The following NBPF19 variants were observed in gnomAD, a reference collection of about 807,000 sequenced individuals.
NBPF19 encodes NBPF family member NBPF19.
In NBPF19, 30 loss-of-function variants were observed where a neutral mutation model predicts 45.9. That is an observed-to-expected ratio of 0.65 (90% CI 0.49 to 0.89). The LOEUF (loss-of-function observed/expected upper bound fraction) is 0.89. NBPF19 is among the 40% of genes least tolerant of loss of function. NBPF19 has a pLI of 0.00. For synonymous variants in NBPF19, 183 were observed against 181.2 expected (o/e 1.01, Z -0.08); for missense variants, 495 against 471.8 (o/e 1.05, Z -0.46).
At chr1:149,538,435 CT>C (rs2087041968) in intron 73 of NBPF19, among the ~76,000 whole-genome samples, 2 of 30,976 alleles carry the variant, frequency 6.5e-5, no homozygotes, top group African/African-American at 1.8e-4. Flanking sequence ...CTCTCTCTCT[CT>C]GTGTGTGTGT....
chr1:149,478,808 T>A (rs2085000353), intron 3 of NBPF19, 72 bp from the exon 4 acceptor site: 4 of 1,364,784 alleles, frequency 2.9e-6, no homozygotes, highest in Non-Finnish European at 3.1e-6. Flanking sequence ...GTCTCAGAAG[T>A]CTCTGTTGCA....
At chr1:149,479,706 C>A (rs2085058369) in intron 4 of NBPF19, among the ~76,000 whole-genome samples, 1 of 149,796 alleles carries the variant, frequency 6.7e-6, no homozygotes, top group African/African-American at 2.5e-5. Context: ...CAGCAGAAGC[C>A]ACATGGAGGG....
At chr1:149,476,807 C>A (rs1322470776) in intron 2 of NBPF19, among the ~76,000 whole-genome samples, 79 of 147,158 alleles carry the variant, frequency 5.4e-4, no homozygotes, top group African/African-American at 1.7e-3. Context: ...TCGTGGCGGG[C>A]AACTGTAATC....
At chr1:149,487,976 C>T (rs1394655643) in intron 9 of NBPF19, 37 bp from the exon 10 acceptor site, 12 of 693,542 alleles carry the variant, frequency 1.7e-5, no homozygotes, top group Middle Eastern at 3.8e-4. Context: ...TTTCTGATTC[C>T]CCCTGGCTTA....
Position 149,554,695 on chromosome 1 carries a change from G to C in NBPF19, c.11489G>C (p.Ser3830Thr). 1 of 1,608,298 alleles carries C rather than the reference G, an allele frequency of 6.2e-7. No homozygotes were observed. The highest frequency in any genetic ancestry group is 1.7e-5 in the Admixed American group (1 of 59,916). The change falls in exon 94 of 94, where the codon AGT (serine) becomes ACT (threonine). Residue 3830 changes from serine to threonine, a missense_variant. Around this residue, in one of 8 missense-constraint regions of NBPF19, gnomAD observed 248 missense variants for 95.4 expected, o/e 2.60. Coordinates refer to ENST00000651566, the MANE Select transcript of NBPF19 (RefSeq NM_001351365.2). ...AGGTTTTTTACTTTGACGGTGACAA[G>C]TCTCCATCTGGTGTTCCAGATGTTA... The part of the protein sequence containing the change: ...DNRFFTLTVT[S>T]LHLVFQMLVI...
At chr1:149,519,431 TTCTCTC>T (rs1209458388) in intron 49 of NBPF19, among the ~76,000 whole-genome samples, 10 of 10,560 alleles carry the variant, frequency 9.5e-4, no homozygotes, top group Admixed American at 2.8e-3. Context: ...ACTGAGCTCG[TTCTCTC>T]TCTCTCTCTG....
In NBPF19 at chr1:149,554,648, C is replaced by T. The variant is rs1356394756; in HGVS notation, c.11442C>T (p.Ser3814=). Reference sequence around the variant, plus strand: ...ACTCATTTGAGGAAGAGCATATCAGCTTCGCCCTTTACTTGGACAATAGGT... The same window carrying T: ...ACTCATTTGAGGAAGAGCATATCAGTTTCGCCCTTTACTTGGACAATAGGT... The part of the protein sequence containing the change: ...VFYSFEEEHI[S]FALYLDNRFF... Residue 3814 remains serine, a synonymous_variant, in exon 94 of 94, where the codon AGC becomes AGT. Transcript: ENST00000651566. 5.0e-5 allele frequency: 80 copies of T among 1,608,234 alleles called. 4 individuals are homozygous for T. Among genetic ancestry groups the T allele is most frequent in the Non-Finnish European group, 6.3e-5 (74 of 1,176,780 alleles).
Position 149,475,481 on chromosome 1 carries a change from C to T in NBPF19, c.-350C>T, listed in dbSNP as rs1490774920. Among the ~76,000 whole-genome samples, 5 of 150,996 alleles carry T rather than the reference C, an allele frequency of 3.3e-5. No individual in the cohort carries two copies. Among genetic ancestry groups the T allele is most frequent in the African/African-American group, 7.3e-5 (3 of 40,966 alleles). On this transcript the variant is annotated 5_prime_UTR_variant, in exon 1 of 94. It adds an upstream start codon to the 5' untranslated region. Coordinates refer to ENST00000651566, the MANE Select transcript of NBPF19 (RefSeq NM_001351365.2). ...TCTGTGGCATTGTCACAAGGGTACA[C>T]GAATACTGAGAGTGAATGCTGAAGG...
Position 149,554,349 on chromosome 1 carries a change from A to T in NBPF19, c.11289-146A>T, listed in dbSNP as rs1191075288. 1.3e-5 allele frequency: 20 copies of T among 1,488,908 alleles called. 1 individual carries two copies. Among genetic ancestry groups the T allele is most frequent in the Middle Eastern group, 2.4e-4 (1 of 4,086 alleles). The allele number at this position is 1,488,908 out of a possible 1,614,324, so 92.2% of individuals were successfully genotyped here. On this transcript the variant is annotated intron_variant, in intron 93 of 93. Coordinates refer to ENST00000651566, the MANE Select transcript of NBPF19 (RefSeq NM_001351365.2). ...CTGGCCCTGTTCTATCCCAACATAAAGGCAATAAATTTTTTTTTTTACCTC... is the reference window on the plus strand; with the variant it reads ...CTGGCCCTGTTCTATCCCAACATAATGGCAATAAATTTTTTTTTTTACCTC...
chr1:149,488,019 C>G lies in NBPF19; in HGVS notation c.1047C>G (p.Ser349Arg). The change falls in exon 10 of 94, where the codon AGC (serine) becomes AGG (arginine). Residue 349 changes from serine to arginine, a missense_variant. Transcript: ENST00000651566. ...CTTTTTCCCACTTTTCCAGGCTCAG[C>G]AGGGAGCTGCTGGATGAGAAAGGGC... ...EDQEATGPRLSRELLDEKGPE... is the reference protein window; with the variant it reads ...EDQEATGPRLRRELLDEKGPE... The G allele has an allele frequency of 1.5e-6, 1 of 687,768 alleles. No individual in the cohort carries two copies. Among genetic ancestry groups the G allele is most frequent in the Non-Finnish European group, 2.7e-6 (1 of 375,908 alleles). The allele number at this position is 687,768 out of a possible 1,614,324, so 42.6% of individuals were successfully genotyped here.
intron 93 of NBPF19, among the ~76,000 whole-genome samples, chr1:149,554,273 G>C (rs1376527982): frequency 4.4e-4 from 66 of 150,676 alleles, no homozygotes; most frequent in Admixed American, 3.0e-3. Flanking sequence ...CTTTCTCTCT[G>C]TCTCTGTCTC....
At chr1:149,483,497 G>A (rs2085326556) in intron 7 of NBPF19, among the ~76,000 whole-genome samples, 1 of 131,708 alleles carries the variant, frequency 7.6e-6, no homozygotes, top group African/African-American at 2.9e-5. Flanking sequence ...TTGCCATTCT[G>A]TGTTTTTTAA....
Position 149,488,101 on chromosome 1 carries a change from G to A in NBPF19, c.1129G>A (p.Glu377Lys), listed in dbSNP as rs1417018176. Residue 377 changes from glutamate to lysine, a missense_variant, in exon 10 of 94, where the codon GAA (glutamate) becomes AAA (lysine). Transcript: ENST00000651566. The stretch of plus-strand genomic sequence containing the variant: ...TTATTCAACTCCTTCAGGTTGTCTT[G>A]AACTGACTGACTCATGCCAGCCCTA... ...RCYSTPSGCL[E>K]LTDSCQPYRS... is the part of the protein sequence containing the mutation. 12 of 664,612 alleles carry A rather than the reference G, an allele frequency of 1.8e-5. No homozygotes were observed. Among genetic ancestry groups the A allele is most frequent in the African/African-American group, 3.9e-5 (2 of 51,274 alleles). The allele number at this position is 664,612 out of a possible 1,614,324, so 41.2% of individuals were successfully genotyped here. A position where few individuals can be genotyped will look rare whatever the true frequency, so the allele number is the denominator to read the frequency against.
chr1:149,515,118 T>G lies in NBPF19; in HGVS notation c.5323+10T>G. ...TCTCTTGACGTGGGAGGTGAGTACCTTTCTATGAAGGTGATAAGCACCACT... is the reference window on the plus strand; with the variant it reads ...TCTCTTGACGTGGGAGGTGAGTACCGTTCTATGAAGGTGATAAGCACCACT... On this transcript the variant is annotated intron_variant, in intron 44 of 93. Transcript: ENST00000651566. 2.1e-6 allele frequency: 2 copies of G among 969,770 alleles called. No homozygotes were observed. The highest frequency in any genetic ancestry group is 3.2e-6 in the Non-Finnish European group (2 of 627,854). 60.1% of individuals were successfully genotyped at this position (969,770 alleles called of 1,614,324 possible).
chr1:149,514,721 G>GTC (rs2086342924), intron 43 of NBPF19, among the ~76,000 whole-genome samples: 2 of 77,858 alleles, frequency 2.6e-5, no homozygotes, highest in African/African-American at 4.4e-5. Flanking sequence ...GTGTGTGTGT[G>GTC]TGTGTGTGTG....
chr1:149,528,908 T>C (rs1553782769), intron 61 of NBPF19, among the ~76,000 whole-genome samples: 7 of 127,412 alleles, frequency 5.5e-5, no homozygotes, highest in African/African-American at 1.6e-4. Context: ...CTCATCAGTG[T>C]GTCACCTGGA....
Position 149,555,198 on chromosome 1 carries a change from G to C in NBPF19, c.*460G>C, listed in dbSNP as rs2087218815. 5.3e-6 allele frequency: 1 copy of C among 188,820 alleles called. No individual in the cohort carries two copies. Among genetic ancestry groups the C allele is most frequent in the Non-Finnish European group, 1.1e-5 (1 of 90,336 alleles). The allele number at this position is 188,820 out of a possible 1,614,324, so 11.7% of individuals were successfully genotyped here. A position where few individuals can be genotyped will look rare whatever the true frequency, so the allele number is the denominator to read the frequency against. ...AGCTGATCCATCTGTAACACAGGAGGGATCCTTGGCTGAGGATTGTATTTC... is the reference window on the plus strand; with the variant it reads ...AGCTGATCCATCTGTAACACAGGAGCGATCCTTGGCTGAGGATTGTATTTC... On this transcript the variant is annotated 3_prime_UTR_variant, in exon 94 of 94. Coordinates refer to ENST00000651566, the MANE Select transcript of NBPF19 (RefSeq NM_001351365.2).
At chr1:149,554,367 T>A in intron 93 of NBPF19, 128 bp from the exon 94 acceptor site, 1 of 1,564,412 alleles carries the variant, frequency 6.4e-7, no homozygotes, top group South Asian at 1.2e-5. Context: ...AATTTTTTTT[T>A]TTACCTCATT....
At chr1:149,484,728 C>T (rs28839889) in intron 7 of NBPF19, among the ~76,000 whole-genome samples, 30 of 138,368 alleles carry the variant, frequency 2.2e-4, no homozygotes, top group Admixed American at 5.2e-4. Flanking sequence ...CTGACAATTA[C>T]GTGTTTTGGG....
Sources: allele counts gnomAD v4.1 joint callset (sites outside exome capture counted in the v4.1 genomes callset), GRCh38; gene constraint gnomAD v4.1.1; regional missense constraint gnomAD v4.1.1; transcripts MANE v1.5; gene names NCBI Gene and HGNC (gene_info 2026-07-23, HGNC 2026-07-21).